LMO3: variants seen among roughly 807,000 people sequenced by gnomAD.
LMO3 encodes the protein LIM domain only 3.
A neutral mutation model predicts 15.8 loss-of-function variants in LMO3; 2 were observed. That is an observed-to-expected ratio of 0.13 (90% CI 0.05 to 0.40). The LOEUF is 0.40. LMO3 is among the 10% of genes least tolerant of loss of function. LMO3 has a pLI of 0.99. For missense variants in LMO3, 86 were observed against 182.2 expected (o/e 0.47, Z 3.04); for synonymous variants, 62 against 63.8 (o/e 0.97, Z 0.13).
intron 2 of LMO3, among the ~76,000 whole-genome samples, chr12:16,561,894 A>G (rs1018739952): frequency 6.6e-6 from 1 of 152,230 alleles, no homozygotes; most frequent in African/African-American, 2.4e-5. Flanking sequence ...TTGCTAACAT[A>G]GTCTGTGCAC....
rs1479803373 is a variant in LMO3, at chr12:16,576,584, C to T, written c.207-16046G>A. On this transcript the variant is annotated intron_variant, in intron 2 of 3. Transcript: ENST00000537304. This position sits in a 1 kb window ranked among gnomAD's most constrained non-coding sequence, Gnocchi z 4.1. ...CATCTTTCAGAATCTGTATCAGTTA[C>T]GTACCTGTTTGTCTCTTTCTCACTA... Among the ~76,000 whole-genome samples the T allele has an allele frequency of 2.0e-5, 3 of 152,180 alleles. No homozygotes were observed. Among genetic ancestry groups the T allele is most frequent in the Non-Finnish European group, 4.4e-5 (3 of 68,042 alleles).
At chr12:16,600,935 G>A (rs931589959) in intron 1 of LMO3, 67 bp from the exon 2 acceptor site, 3 of 1,131,220 alleles carry the variant, frequency 2.7e-6, no homozygotes, top group Non-Finnish European at 3.9e-6. Context: ...CCTCAAACAA[G>A]TTAAATATTT....
At chr12:16,573,162 C>T (rs1032532041) in intron 2 of LMO3, among the ~76,000 whole-genome samples, 3 of 151,734 alleles carry the variant, frequency 2.0e-5, no homozygotes, top group Admixed American at 2.0e-4. Context: ...AAATATATTC[C>T]AATGTCTATT....
rs1469396558 is a variant in LMO3, at chr12:16,550,872, C to T, written c.*350G>A. 5.7e-6 allele frequency: 1 copy of T among 176,210 alleles called. No individual in the cohort carries two copies. The highest frequency in any genetic ancestry group is 1.2e-5 in the Non-Finnish European group (1 of 82,886). The allele number at this position is 176,210 out of a possible 1,614,324, so 10.9% of individuals were successfully genotyped here. On this transcript the variant is annotated 3_prime_UTR_variant, in exon 4 of 4. Transcript: ENST00000537304. ...ACAATACAAAGAAGCAAATGGAACA[C>T]AAATGGTAACACAATAAAACTGTAT...
rs186442919 is a variant in LMO3 at position 16,603,367 on chromosome 12, A to T, written c.-8-2499T>A. Among the ~76,000 whole-genome samples, 2 of 152,338 alleles carry T rather than the reference A, an allele frequency of 1.3e-5. No individual in the cohort carries two copies. Among genetic ancestry groups the T allele is most frequent in the Admixed American group, 1.3e-4 (2 of 15,296 alleles). On this transcript the variant is annotated intron_variant, in intron 1 of 3. Coordinates refer to ENST00000537304, the MANE Select transcript of LMO3 (RefSeq NM_018640.5). The surrounding 1 kb of genome is among the most constrained non-coding windows in gnomAD (Gnocchi z 4.9). ...AATTGTAGCAAAAGAACTATTTTGT[A>T]GTCACCATGTTACCGTGTACTTAAA...
intron 2 of LMO3, among the ~76,000 whole-genome samples, chr12:16,580,974 TTA>T (rs1271815470): frequency 6.6e-6 from 1 of 152,220 alleles, no homozygotes; most frequent in Admixed American, 6.5e-5. Context: ...TCCCTCAAGT[TTA>T]TGTTTGTTGT....
At chr12:16,578,818 AAACAACAACAAC>A (rs201327858) in intron 2 of LMO3, among the ~76,000 whole-genome samples, 6,758 of 141,070 alleles carry the variant, frequency 0.048, 497 homozygotes, top group African/African-American at 0.2. Flanking sequence ...ATTCTGTCTC[AAACAACAACAAC>A]AACAACAACA....
At position 16,601,820 on chromosome 12, in the gene LMO3, TTTGA is replaced by T. The variant is rs1943833568; in HGVS notation, c.-8-956_-8-953del. 2.0e-5 allele frequency: 3 copies of T among 152,296 alleles called. No individual in the cohort carries two copies. In the South Asian group the frequency reaches 6.2e-4, roughly 32 times the overall value. 9.4% of individuals were successfully genotyped at this position (152,296 alleles called of 1,614,324 possible). A position where few individuals can be genotyped will look rare whatever the true frequency, so the allele number is the denominator to read the frequency against. On this transcript the variant is annotated intron_variant, in intron 1 of 3. Transcript: ENST00000537304. Reference sequence around the variant, plus strand: ...CAGCTGGATTCCATGGGCTTTACAGTTTGATTGAAATCTTTTGAATGAATGGACA... The same window carrying T: ...CAGCTGGATTCCATGGGCTTTACAGTTTGAAATCTTTTGAATGAATGGACA...
At chr12:16,583,416 T>C (rs1305697865) in intron 2 of LMO3, among the ~76,000 whole-genome samples, 3 of 152,152 alleles carry the variant, frequency 2.0e-5, no homozygotes, top group Non-Finnish European at 4.4e-5. Flanking sequence ...CAGCCATATG[T>C]TGACAGTCAA....
intron 2 of LMO3, among the ~76,000 whole-genome samples, chr12:16,579,541 C>A (rs1286764718): frequency 6.6e-6 from 1 of 152,040 alleles, no homozygotes; most frequent in Non-Finnish European, 1.5e-5. Flanking sequence ...GGCATTATGG[C>A]CTAATAATTT....
In LMO3 at chr12:16,555,392, T is replaced by A. The variant is rs1431088884; in HGVS notation, c.333-4065A>T. On this transcript the variant is annotated intron_variant, in intron 3 of 3. Transcript: ENST00000537304. The surrounding 1 kb of genome is among the most constrained non-coding windows in gnomAD (Gnocchi z 5.5). ...GGTGTTTCAAAATTTCTCATGAATG[T>A]GTAACTGGTTTGCCATTATAGTCAG... Among the ~76,000 whole-genome samples the A allele has an allele frequency of 6.6e-6, 1 of 152,200 alleles. No individual in the cohort carries two copies. Among genetic ancestry groups the A allele is most frequent in the Admixed American group, 6.5e-5 (1 of 15,282 alleles).
Position 16,555,169 on chromosome 12 carries a change from A to T in LMO3, c.333-3842T>A, listed in dbSNP as rs1291417669. On this transcript the variant is annotated intron_variant, in intron 3 of 3. Transcript: ENST00000537304. The surrounding 1 kb of genome is among the most constrained non-coding windows in gnomAD (Gnocchi z 5.5). ...TAATACTTTATCAGAATTTGCTATCATTATTATTTGGTAATGATAATCTTT... is the reference window on the plus strand; with the variant it reads ...TAATACTTTATCAGAATTTGCTATCTTTATTATTTGGTAATGATAATCTTT... 6.6e-6 allele frequency among the ~76,000 whole-genome samples: 1 copy of T among 152,208 alleles called. No individual in the cohort carries two copies. The highest frequency in any genetic ancestry group is 2.4e-5 in the African/African-American group (1 of 41,460).
intron 1 of LMO3, chr12:16,605,146 A>C (rs1269107016): frequency 1.4e-6 from 2 of 1,398,180 alleles, no homozygotes; most frequent in African/African-American, 2.9e-5. Flanking sequence ...ATGATGGCGA[A>C]TGACAAAGCC....
chr12:16,594,450 C>T, intron 2 of LMO3: 1 of 446,516 alleles, frequency 2.2e-6, no homozygotes, highest in Admixed American at 3.6e-5. Context: ...ATTTTTATTC[C>T]CTTTGTTTTC....
In LMO3 at chr12:16,562,785, T is replaced by C. The variant is rs578024084; in HGVS notation, c.207-2247A>G. Among the ~76,000 whole-genome samples, 6 of 152,312 alleles carry C rather than the reference T, an allele frequency of 3.9e-5. No homozygotes were observed. The South Asian group carries it at 1.2e-3, about 32-fold the overall frequency. On this transcript the variant is annotated intron_variant, in intron 2 of 3. Coordinates refer to ENST00000537304, the MANE Select transcript of LMO3 (RefSeq NM_018640.5). ...AAGCTCTGGGTTAATAACAGACAAATGATTTGTTGCATCTAAACAAAGTCC... is the reference window on the plus strand; with the variant it reads ...AAGCTCTGGGTTAATAACAGACAAACGATTTGTTGCATCTAAACAAAGTCC...
In LMO3 at chr12:16,549,384, C is replaced by T. The variant is rs553845796; in HGVS notation, c.*1838G>A. The T allele has an allele frequency of 3.3e-5, 5 of 152,562 alleles. No homozygotes were observed. In the East Asian group the frequency reaches 9.6e-4, roughly 29 times the overall value. The allele number at this position is 152,562 out of a possible 1,614,324, so 9.5% of individuals were successfully genotyped here. A position where few individuals can be genotyped will look rare whatever the true frequency, so the allele number is the denominator to read the frequency against. On this transcript the variant is annotated 3_prime_UTR_variant, in exon 4 of 4. Coordinates refer to ENST00000537304, the MANE Select transcript of LMO3 (RefSeq NM_018640.5). ...TAACCATGAAGCATTTGGAAAAATA[C>T]ATATCATTCACTTTTCACAGAACCA...
At chr12:16,588,894 C>T (rs891678854) in intron 2 of LMO3, among the ~76,000 whole-genome samples, 29 of 151,848 alleles carry the variant, frequency 1.9e-4, no homozygotes, top group African/African-American at 7.0e-4. Context: ...TTCATAACAA[C>T]AGAAGCTGAC....
intron 2 of LMO3, among the ~76,000 whole-genome samples, chr12:16,590,335 T>C (rs1343373922): frequency 6.6e-6 from 1 of 152,102 alleles, no homozygotes; most frequent in African/African-American, 2.4e-5. Context: ...ATCAAGAATG[T>C]AATTCACGAA....
rs1236638163 is a variant in LMO3 at position 16,593,465 on chromosome 12, T to C, written c.206+7190A>G. ...ATTTTAAACTTGTAAAGCCCACAAC[T>C]AGAGATTTTTGCATCAGAAAACACT... On this transcript the variant is annotated intron_variant, in intron 2 of 3. Coordinates refer to ENST00000537304, the MANE Select transcript of LMO3 (RefSeq NM_018640.5). This position sits in a 1 kb window ranked among gnomAD's most constrained non-coding sequence, Gnocchi z 4.2. 6.6e-6 allele frequency among the ~76,000 whole-genome samples: 1 copy of C among 151,792 alleles called. No homozygotes were observed. Among genetic ancestry groups the C allele is most frequent in the African/African-American group, 2.4e-5 (1 of 41,398 alleles).
Sources: allele counts gnomAD v4.1 joint callset (sites outside exome capture counted in the v4.1 genomes callset), GRCh38; gene constraint gnomAD v4.1.1; non-coding constraint Gnocchi (gnomAD v3.1); transcripts MANE v1.5; gene names NCBI Gene and HGNC (gene_info 2026-07-23, HGNC 2026-07-21).